LIN52: variants seen among roughly 807,000 people sequenced by gnomAD.
LIN52 encodes protein lin-52 homolog.
A neutral mutation model predicts 18.5 loss-of-function variants in LIN52; 4 were observed. The ratio of observed to expected loss-of-function variants is 0.22; its 90% CI spans 0.11 to 0.49. The LOEUF (loss-of-function observed/expected upper bound fraction) is 0.49, where lower values mean the gene tolerates loss of function less well. Ranked by LOEUF, LIN52 falls within the 20% of genes least tolerant of loss-of-function variation. LIN52 has a pLI of 0.97. For missense variants in LIN52, 102 were observed against 139.5 expected (o/e 0.73, Z 1.35); for synonymous variants, 34 against 45.5 (o/e 0.75, Z 1.02).
chr14:74,100,144 C>A (rs1308117911), intron 4 of LIN52, among the ~76,000 whole-genome samples: 1 of 152,110 alleles, frequency 6.6e-6, no homozygotes, highest in Non-Finnish European at 1.5e-5. Flanking sequence ...TGTGGACTTA[C>A]AATTAACAGT....
chr14:74,167,112 CT>C (rs9323596), intron 5 of LIN52, among the ~76,000 whole-genome samples: 35 of 119,118 alleles, frequency 2.9e-4, no homozygotes, highest in East Asian at 1.6e-3. Flanking sequence ...GCCTCTGCTG[CT>C]TTTTTTTTTT....
chr14:74,144,656 A>G (rs562517724), intron 5 of LIN52, among the ~76,000 whole-genome samples: 1 of 152,274 alleles, frequency 6.6e-6, no homozygotes, highest in Non-Finnish European at 1.5e-5. Flanking sequence ...CTTGACATTC[A>G]TGAGGTAACT....
intron 5 of LIN52, among the ~76,000 whole-genome samples, chr14:74,134,612 C>T (rs1040131910): frequency 6.6e-6 from 1 of 151,890 alleles, no homozygotes; most frequent in Non-Finnish European, 1.5e-5. Context: ...GATAATTAAA[C>T]TTAGGTTCCC....
chr14:74,119,191 T>G (rs2060982689), intron 5 of LIN52, among the ~76,000 whole-genome samples: 1 of 148,944 alleles, frequency 6.7e-6, no homozygotes, highest in Admixed American at 6.7e-5. Context: ...AGACAGAGTC[T>G]TGCTCTGTTG....
intron 5 of LIN52, among the ~76,000 whole-genome samples, chr14:74,156,382 A>G (rs374526001): frequency 6.6e-6 from 1 of 152,204 alleles, no homozygotes; most frequent in South Asian, 2.1e-4. Flanking sequence ...CTGTCTATCA[A>G]CAAGTATAAA....
At chr14:74,101,328 A>G in intron 5 of LIN52, 90 bp downstream of exon 5, 1 of 787,584 alleles carries the variant, frequency 1.3e-6, no homozygotes, top group South Asian at 2.1e-5. Flanking sequence ...CCTGAGCTCC[A>G]GTTATAATTC....
At chr14:74,159,051 C>CT (rs1454827614) in intron 5 of LIN52, among the ~76,000 whole-genome samples, 1 of 152,112 alleles carries the variant, frequency 6.6e-6, no homozygotes, top group Non-Finnish European at 1.5e-5. Context: ...CCACAGGAGA[C>CT]AAACATTTAA....
intron 5 of LIN52, among the ~76,000 whole-genome samples, chr14:74,121,383 A>G (rs1343342069): frequency 6.6e-6 from 1 of 152,232 alleles, no homozygotes; most frequent in Non-Finnish European, 1.5e-5. Flanking sequence ...GATTTCATCT[A>G]TTGATTTCAT....
chr14:74,172,882 G>A (rs181122578), intron 5 of LIN52, among the ~76,000 whole-genome samples: 1 of 152,278 alleles, frequency 6.6e-6, no homozygotes, highest in Non-Finnish European at 1.5e-5. Flanking sequence ...GTGCTAACTT[G>A]TTTAGTGAGT....
At position 74,165,513 on chromosome 14, in the gene LIN52, C is replaced by CTTTTCTTTTTTTTT. The variant is rs1555384151; in HGVS notation, c.284-33405_284-33404insCTTTTTTTTTTTTT. On this transcript the variant is annotated intron_variant, in intron 5 of 5. Coordinates refer to ENST00000555028, the MANE Select transcript of LIN52 (RefSeq NM_001024674.3). ...AATGGAGAATTACAGGTTTTCTTTT[C>CTTTTCTTTTTTTTT]TTTTTTTTTTTTTTTGAGACAGAGT... 9.3e-3 allele frequency among the ~76,000 whole-genome samples: 1,022 copies of CTTTTCTTTTTTTTT among 110,100 alleles called. 24 individuals carry two copies. The highest frequency in any genetic ancestry group is 0.015 in the Non-Finnish European group (855 of 56,024). 72.2% of individuals were successfully genotyped at this position (110,100 alleles called of 152,430 possible). A position where few individuals can be genotyped will look rare whatever the true frequency, so the allele number is the denominator to read the frequency against.
intron 5 of LIN52, among the ~76,000 whole-genome samples, chr14:74,196,796 G>T (rs1373814309): frequency 6.6e-6 from 1 of 152,130 alleles, no homozygotes; most frequent in Non-Finnish European, 1.5e-5. Context: ...ACTATACCAA[G>T]CATGTTCATT....
At chr14:74,116,472 G>T (rs2060965340) in intron 5 of LIN52, among the ~76,000 whole-genome samples, 1 of 152,128 alleles carries the variant, frequency 6.6e-6, no homozygotes, top group African/African-American at 2.4e-5. Context: ...TTGAGAGGCT[G>T]AGGTAGGCGG....
At chr14:74,109,719 A>G (rs550192718) in intron 5 of LIN52, among the ~76,000 whole-genome samples, 1 of 152,324 alleles carries the variant, frequency 6.6e-6, no homozygotes, top group African/African-American at 2.4e-5. Flanking sequence ...GCTATTATAA[A>G]TGGAATTGTT....
intron 5 of LIN52, among the ~76,000 whole-genome samples, chr14:74,116,671 T>G (rs924940882): frequency 3.9e-4 from 59 of 150,218 alleles, no homozygotes; most frequent in Non-Finnish European, 6.5e-4. Flanking sequence ...ATTGTGCCAC[T>G]GCACTCCAGC....
intron 5 of LIN52, among the ~76,000 whole-genome samples, chr14:74,121,260 C>G (rs2060997999): frequency 6.6e-6 from 1 of 152,174 alleles, no homozygotes; most frequent in South Asian, 2.1e-4. Context: ...AACAACTTTT[C>G]TCTATTCAGC....
At chr14:74,159,567 G>GTTTTTTTTTTT (rs11288935) in intron 5 of LIN52, among the ~76,000 whole-genome samples, 1 of 133,590 alleles carries the variant, frequency 7.5e-6, no homozygotes, top group Non-Finnish European at 1.6e-5. Flanking sequence ...TGTGGGGTTT[G>GTTTTTTTTTTT]TTTTTTTTTT....
At chr14:74,134,640 A>G (rs2061087502) in intron 5 of LIN52, among the ~76,000 whole-genome samples, 1 of 151,734 alleles carries the variant, frequency 6.6e-6, no homozygotes, top group African/African-American at 2.4e-5. Flanking sequence ...CCCCTCCCCC[A>G]TTTTCCTTTT....
intron 5 of LIN52, among the ~76,000 whole-genome samples, chr14:74,116,503 C>T (rs956606128): frequency 6.6e-6 from 1 of 151,644 alleles, no homozygotes; most frequent in Non-Finnish European, 1.5e-5. Flanking sequence ...ATCAGGAGTT[C>T]GAGACCAGCC....
intron 5 of LIN52, among the ~76,000 whole-genome samples, chr14:74,103,837 C>G (rs1320703321): frequency 2.0e-5 from 3 of 146,838 alleles, no homozygotes. Flanking sequence ...ATCAGCCCAC[C>G]TCAGCCTTCT....
Sources: gnomAD v4.1 joint callset for allele counts (sites outside exome capture counted in the v4.1 genomes callset) on GRCh38, gnomAD v4.1.1 for gene constraint, MANE v1.5 for transcripts, NCBI Gene and HGNC (gene_info 2026-07-23, HGNC 2026-07-21) for gene names.